Variants in ARID1B observed in about 807,000 individuals in gnomAD.
ARID1B encodes AT-rich interaction domain 1B.
In ARID1B, 30 loss-of-function variants were observed where a neutral mutation model predicts 212.3. That is an observed-to-expected ratio of 0.14 (90% confidence interval 0.11 to 0.19). The LOEUF (loss-of-function observed/expected upper bound fraction) is 0.19. Among genes scored for constraint, ARID1B ranks in the 10% least tolerant of loss-of-function variants. The pLI is 1.00. For missense variants in ARID1B, 2,891 were observed against 3,204.0 expected (o/e 0.90, Z 2.36); for synonymous variants, 1,402 against 1,301.7 (o/e 1.08, Z -1.66).
chr6:156,880,739 C>CAAAAA (rs141153792), intron 2 of ARID1B, among the ~76,000 whole-genome samples: 697 of 86,358 alleles, frequency 8.1e-3, no homozygotes, highest in East Asian at 0.02. Context: ...GACTCTGTCT[C>CAAAAA]AAAAAAAAAA....
intron 4 of ARID1B, among the ~76,000 whole-genome samples, chr6:156,979,661 G>A (rs11156126): frequency 0.2 from 29,647 of 151,672 alleles, 3,164 homozygotes; most frequent in East Asian, 0.4. Flanking sequence ...AGGTTCAAGC[G>A]ATTCTCCTAC....
chr6:156,923,625 G>A (rs1214862489), intron 3 of ARID1B, among the ~76,000 whole-genome samples: 1 of 151,948 alleles, frequency 6.6e-6, no homozygotes, highest in Non-Finnish European at 1.5e-5. Context: ...GTGTGATGTA[G>A]AATTATTAGC....
chr6:157,056,722 C>G lies in ARID1B; in HGVS notation c.2248-27940C>G, dbSNP rs183335331. On this transcript the variant is annotated intron_variant, in intron 4 of 19. Transcript: ENST00000636930. ...TGCTCAGAAAAAATTTTTGTCTAAA[C>G]AATATTTTAAACATTTTGATGTTTA... 5.3e-5 allele frequency among the ~76,000 whole-genome samples: 8 copies of G among 152,016 alleles called. No individual in the cohort carries two copies. In the East Asian group the frequency reaches 1.5e-3, roughly 29 times the overall value.
chr6:157,037,605 G>A (rs1781414602), intron 4 of ARID1B, among the ~76,000 whole-genome samples: 1 of 152,112 alleles, frequency 6.6e-6, no homozygotes. Flanking sequence ...CTGTCTGTGT[G>A]GCAAGATCTG....
rs539386347 is a variant in ARID1B, at chr6:157,097,745, G to A, written c.2492-12727G>A. Among the ~76,000 whole-genome samples, 255 of 152,304 alleles carry A rather than the reference G, an allele frequency of 1.7e-3. 1 individual carries two copies. Among genetic ancestry groups the A allele is most frequent in the Non-Finnish European group, 2.6e-3 (177 of 68,030 alleles). On this transcript the variant is annotated intron_variant, in intron 5 of 19. Transcript: ENST00000636930. Reference sequence around the variant, plus strand: ...AGTGGAAGAAAGGGAGCAGGCAGGCGCCTCAGCTAATCTTTCTCCTGGGGG... The same window carrying A: ...AGTGGAAGAAAGGGAGCAGGCAGGCACCTCAGCTAATCTTTCTCCTGGGGG...
chr6:157,020,660 CAGT>C (rs762484457), intron 4 of ARID1B, among the ~76,000 whole-genome samples: 4 of 152,174 alleles, frequency 2.6e-5, no homozygotes, highest in African/African-American at 9.6e-5. Context: ...AAATATTAAA[CAGT>C]GGTGGTTTCA....
rs1350795208 is a variant in ARID1B at position 156,778,991 on chromosome 6, C to A, written c.1311C>A (p.Gly437=). The change falls in exon 1 of 20, where the codon GGC becomes GGA. Residue 437 remains glycine (G), a synonymous_variant. Coordinates refer to ENST00000636930, the MANE Select transcript of ARID1B (RefSeq NM_001374828.1). ...CGGCGGCAGCAGCAGGAGGCGGCGG[C>A]GGCGGCGGCTATGGGGGCTCGTCCG... ...AAAAAAAGGG[G]GGGYGGSSAG... is the part of the protein sequence containing the mutation. 2.4e-6 allele frequency: 3 copies of A among 1,271,672 alleles called. No homozygotes were observed. Among genetic ancestry groups the A allele is most frequent in the South Asian group, 3.2e-5 (1 of 31,354 alleles). 78.8% of individuals were successfully genotyped at this position (1,271,672 alleles called of 1,614,324 possible). A position where few individuals can be genotyped will look rare whatever the true frequency, so the allele number is the denominator to read the frequency against.
At position 157,084,658 on chromosome 6, in the gene ARID1B, T is replaced by C. The variant is rs751343959; in HGVS notation, c.2248-4T>C. 4 of 1,613,774 alleles carry C rather than the reference T, an allele frequency of 2.5e-6. No individual in the cohort carries two copies. In the East Asian group the frequency reaches 8.9e-5, roughly 36 times the overall value. ...CTCTATAAATACATCTTTTCCTTTC[T>C]TAGGATCTGTCTGGCTCCATTGATG... On this transcript the variant is annotated splice_polypyrimidine_tract_variant and splice_region_variant and intron_variant, in intron 4 of 19. Transcript: ENST00000636930.
At chr6:157,119,275 T>C (rs1469423387) in intron 6 of ARID1B, among the ~76,000 whole-genome samples, 1 of 152,142 alleles carries the variant, frequency 6.6e-6, no homozygotes, top group African/African-American at 2.4e-5. Flanking sequence ...CCTCATGCCT[T>C]TGAGATCATA....
intron 1 of ARID1B, among the ~76,000 whole-genome samples, chr6:156,788,777 C>G (rs949671245): frequency 3.9e-5 from 6 of 152,148 alleles, no homozygotes; most frequent in Admixed American, 3.9e-4. Context: ...TACCGGGGTC[C>G]TCCCTCAAAT....
In ARID1B at chr6:157,207,569, C is replaced by T. The variant is rs769541604; in HGVS notation, c.6797C>T (p.Ala2266Val). The change falls in exon 20 of 20, where the codon GCA becomes GTA. Residue 2266 changes from alanine to valine, a missense_variant. By Grantham distance (64) the Ala-to-Val change is moderately conservative. This residue lies in a region of ARID1B where 187 missense variants were observed against 306.5 expected (regional missense o/e 0.61). Transcript: ENST00000636930. The surrounding 1 kb of genome is among the most constrained non-coding windows in gnomAD (Gnocchi z 8.5). ...TTATCGAACCTTGCCCAAGGGGACG[C>T]ACTAGCAGCAAGGGCCATAGCTGTG... ...ALLSNLAQGD[A>V]LAARAIAVQK... The T allele has an allele frequency of 8.7e-6, 14 of 1,614,182 alleles. No individual in the cohort carries two copies. The South Asian group carries it at 1.5e-4, about 18-fold the overall frequency.
Position 157,069,156 on chromosome 6 carries a change from A to G in ARID1B, c.2248-15506A>G, listed in dbSNP as rs143548800. Among the ~76,000 whole-genome samples, 6 of 152,206 alleles carry G rather than the reference A, an allele frequency of 3.9e-5. No individual in the cohort carries two copies. In the East Asian group the frequency reaches 1.2e-3, roughly 29 times the overall value. ...ATACTCAAATGTGAGGCCCCTTAAC[A>G]TCTGCTAAACTGCTCTAAGAATTGA... On this transcript the variant is annotated intron_variant, in intron 4 of 19. Coordinates refer to ENST00000636930, the MANE Select transcript of ARID1B (RefSeq NM_001374828.1).
chr6:156,985,978 A>G (rs546260150), intron 4 of ARID1B, among the ~76,000 whole-genome samples: 1 of 152,320 alleles, frequency 6.6e-6, no homozygotes, highest in South Asian at 2.1e-4. Context: ...TGCACCGAGT[A>G]ATTTTCAGTA....
At chr6:157,053,700 G>A (rs1782751821) in intron 4 of ARID1B, among the ~76,000 whole-genome samples, 1 of 152,144 alleles carries the variant, frequency 6.6e-6, no homozygotes, top group Non-Finnish European at 1.5e-5. Context: ...TCATGTCTGT[G>A]GCTTTTTGTT....
intron 2 of ARID1B, among the ~76,000 whole-genome samples, chr6:156,896,547 G>T (rs1414976041): frequency 7.6e-6 from 1 of 131,884 alleles, no homozygotes; most frequent in African/African-American, 3.0e-5. Context: ...CTGCACTCCA[G>T]CCTGGGCAAC....
chr6:157,142,997 TA>T (rs1246891528), intron 7 of ARID1B, among the ~76,000 whole-genome samples: 1 of 152,246 alleles, frequency 6.6e-6, no homozygotes, highest in African/African-American at 2.4e-5. Context: ...CTATCAACTT[TA>T]AATATTCTGG....
intron 9 of ARID1B, among the ~76,000 whole-genome samples, chr6:157,171,873 G>A (rs1050232899): frequency 5.9e-5 from 9 of 152,204 alleles, no homozygotes; most frequent in African/African-American, 1.9e-4. Context: ...AGTTGCGTTT[G>A]TGTACGCTAG....
chr6:157,010,113 TA>T (rs1323924492), intron 4 of ARID1B, among the ~76,000 whole-genome samples: 1 of 152,170 alleles, frequency 6.6e-6, no homozygotes, highest in Non-Finnish European at 1.5e-5. Flanking sequence ...TGAGGGAACC[TA>T]AAGTGATCAC....
At chr6:157,155,522 G>T (rs1270226871) in intron 8 of ARID1B, among the ~76,000 whole-genome samples, 1 of 151,330 alleles carries the variant, frequency 6.6e-6, no homozygotes, top group African/African-American at 2.4e-5. Flanking sequence ...GAAAAGTCTT[G>T]TTACTCTTGA....
Sources: gnomAD v4.1 joint callset for allele counts (sites outside exome capture counted in the v4.1 genomes callset) on GRCh38, gnomAD v4.1.1 for gene constraint, gnomAD v4.1.1 regional missense constraint, Gnocchi (gnomAD v3.1) non-coding constraint, MANE v1.5 for transcripts, NCBI Gene and HGNC (gene_info 2026-07-23, HGNC 2026-07-21) for gene names.